The following SEC24B variants were observed in gnomAD, a reference collection of about 807,000 sequenced individuals.
SEC24B encodes the protein protein transport protein Sec24B.
A neutral mutation model predicts 142.8 loss-of-function variants in SEC24B; 45 were observed. That is an observed-to-expected ratio of 0.32 (90% confidence interval 0.25 to 0.40). SEC24B has a LOEUF of 0.40. Among genes scored for constraint, SEC24B ranks in the 10% least tolerant of loss-of-function variants. The pLI, the probability that SEC24B is intolerant of heterozygous loss-of-function variation, is 1.00. For missense variants in SEC24B, 1,409 were observed against 1,526.8 expected (o/e 0.92, Z 1.29); for synonymous variants, 574 against 568.2 (o/e 1.01, Z -0.15).
chr4:109,442,599 T>C (rs1276811682), intron 1 of SEC24B, among the ~76,000 whole-genome samples: 1 of 152,156 alleles, frequency 6.6e-6, no homozygotes, highest in Non-Finnish European at 1.5e-5. Flanking sequence ...AATCTGACTT[T>C]GATCTGACTG....
intron 1 of SEC24B, among the ~76,000 whole-genome samples, chr4:109,445,590 ACAGGGTCT>A: frequency 6.9e-6 from 1 of 144,956 alleles, no homozygotes; most frequent in Non-Finnish European, 1.5e-5. Context: ...TTTTTTTGAG[ACAGGGTCT>A]CACTCTGTCA....
In SEC24B at chr4:109,526,136, T is replaced by C. The variant is rs531008774; in HGVS notation, c.2792-90T>C. On this transcript the variant is annotated intron_variant, in intron 16 of 23. Coordinates refer to ENST00000265175, the MANE Select transcript of SEC24B (RefSeq NM_006323.5). The stretch of plus-strand genomic sequence containing the variant: ...CCCCAGTTATCCTTTTGATTCAAAA[T>C]CATAAACATCTTTGACTTAAAAAAG... 1,267 of 1,253,574 alleles carry C rather than the reference T, an allele frequency of 1.0e-3. 1 individual carries two copies. Among genetic ancestry groups the C allele is most frequent in the Non-Finnish European group, 1.4e-3 (1,193 of 879,048 alleles). 77.7% of individuals were successfully genotyped at this position (1,253,574 alleles called of 1,614,324 possible). A position where few individuals can be genotyped will look rare whatever the true frequency, so the allele number is the denominator to read the frequency against.
chr4:109,518,803 C>CTTTT (rs770507485), intron 11 of SEC24B, among the ~76,000 whole-genome samples: 26 of 117,846 alleles, frequency 2.2e-4, no homozygotes, highest in East Asian at 4.8e-4. Context: ...ATGTTTCTGT[C>CTTTT]TTTTTTTTTT....
intron 19 of SEC24B, among the ~76,000 whole-genome samples, chr4:109,531,140 A>G (rs1347879391): frequency 1.3e-5 from 2 of 152,276 alleles, no homozygotes; most frequent in East Asian, 3.9e-4. Flanking sequence ...CATTTTATTT[A>G]ATCCTTTCAA....
rs769428420 is a variant in SEC24B at position 109,521,641 on chromosome 4, G to T, written c.2508+15G>T. The T allele has an allele frequency of 7.7e-6, 12 of 1,558,070 alleles. No homozygotes were observed. The highest frequency in any genetic ancestry group is 2.3e-5 in the South Asian group (2 of 88,150). Reference sequence around the variant, plus strand: ...CAAGTACAAAGGTATTTTATGTTTAGTTTTTTGTCATATTCAAGATTGTGT... The same window carrying T: ...CAAGTACAAAGGTATTTTATGTTTATTTTTTTGTCATATTCAAGATTGTGT... On this transcript the variant is annotated intron_variant, in intron 14 of 23. Transcript: ENST00000265175.
intron 1 of SEC24B, among the ~76,000 whole-genome samples, chr4:109,456,336 T>TG (rs1730675244): frequency 6.8e-6 from 1 of 146,596 alleles, no homozygotes; most frequent in African/African-American, 2.5e-5. Context: ...TTTTTTTTGT[T>TG]TTTTTTTTTT....
intron 6 of SEC24B, among the ~76,000 whole-genome samples, chr4:109,500,125 C>T (rs566410196): frequency 5.3e-5 from 8 of 152,252 alleles, no homozygotes; most frequent in African/African-American, 1.7e-4. Context: ...AAAAAAGTTA[C>T]GGAATAAGGC....
chr4:109,491,211 T>C (rs1578884035), intron 4 of SEC24B, 116 bp from the exon 5 acceptor site: 8 of 702,904 alleles, frequency 1.1e-5, no homozygotes, highest in East Asian at 2.6e-5. Context: ...TTTACTTTTT[T>C]ACTAGAATCA....
chr4:109,506,319 C>A lies in SEC24B; in HGVS notation c.1489-9C>A. On this transcript the variant is annotated splice_polypyrimidine_tract_variant and intron_variant, in intron 6 of 23. Transcript: ENST00000265175. ...TGTTCTTTTATTTTGTTTTGAATTG[C>A]TCTTTCAGCAGTATCCTGGTGTGAA... 1 of 1,499,140 alleles carries A rather than the reference C, an allele frequency of 6.7e-7. No individual in the cohort carries two copies. The highest frequency in any genetic ancestry group is 8.9e-7 in the Non-Finnish European group (1 of 1,126,488). 92.9% of individuals were successfully genotyped at this position (1,499,140 alleles called of 1,614,324 possible).
At chr4:109,497,990 C>T (rs1250985401) in intron 6 of SEC24B, among the ~76,000 whole-genome samples, 2 of 152,192 alleles carry the variant, frequency 1.3e-5, no homozygotes, top group African/African-American at 4.8e-5. Flanking sequence ...AGTCACCTTC[C>T]TTTCATTTTG....
At chr4:109,503,184 C>G (rs1486277139) in intron 6 of SEC24B, among the ~76,000 whole-genome samples, 5 of 151,060 alleles carry the variant, frequency 3.3e-5, no homozygotes, top group Non-Finnish European at 7.4e-5. Context: ...CTCAGACTCC[C>G]GAGTAGCTGG....
At chr4:109,440,376 A>G (rs1414003280) in intron 1 of SEC24B, among the ~76,000 whole-genome samples, 2 of 152,158 alleles carry the variant, frequency 1.3e-5, no homozygotes, top group Non-Finnish European at 2.9e-5. Context: ...ATTTTATGCT[A>G]AAGGTATTAG....
intron 6 of SEC24B, among the ~76,000 whole-genome samples, chr4:109,500,811 A>T (rs1480779335): frequency 1.3e-5 from 2 of 151,804 alleles, no homozygotes; most frequent in African/African-American, 4.8e-5. Context: ...GCCTGCCAGT[A>T]CCACGCCCGG....
intron 4 of SEC24B, among the ~76,000 whole-genome samples, chr4:109,484,583 GC>G (rs1213389817): frequency 6.6e-6 from 1 of 152,146 alleles, no homozygotes; most frequent in African/African-American, 2.4e-5. Context: ...AGGTGCAGTG[GC>G]TCACGCCTGT....
At chr4:109,477,461 A>G (rs1024702887) in intron 3 of SEC24B, among the ~76,000 whole-genome samples, 22 of 152,140 alleles carry the variant, frequency 1.4e-4, no homozygotes, top group Middle Eastern at 3.4e-3. Context: ...AGCTAAGGCC[A>G]CAGGCACACA....
At chr4:109,470,271 C>T (rs1347451065) in intron 2 of SEC24B, among the ~76,000 whole-genome samples, 1 of 152,230 alleles carries the variant, frequency 6.6e-6, no homozygotes, top group East Asian at 1.9e-4. Flanking sequence ...TCAAACTATA[C>T]ATCTGTGTCA....
At chr4:109,507,159 C>G (rs1288810866) in intron 7 of SEC24B, among the ~76,000 whole-genome samples, 1 of 152,084 alleles carries the variant, frequency 6.6e-6, no homozygotes, top group East Asian at 1.9e-4. Context: ...GTTCTGTATC[C>G]TATGAATAGG....
At chr4:109,460,788 AAT>A (rs1384481336) in intron 1 of SEC24B, among the ~76,000 whole-genome samples, 1 of 150,846 alleles carries the variant, frequency 6.6e-6, no homozygotes, top group African/African-American at 2.4e-5. Flanking sequence ...TAATAAGACT[AAT>A]ATTAGGATTA....
intron 4 of SEC24B, among the ~76,000 whole-genome samples, chr4:109,489,936 T>C (rs1274371014): frequency 1.3e-5 from 2 of 151,980 alleles, no homozygotes; most frequent in Admixed American, 6.6e-5. Context: ...AGGGCATTAC[T>C]TTCCATTCTT....
Sources: gnomAD v4.1 joint callset for allele counts (sites outside exome capture counted in the v4.1 genomes callset) on GRCh38, gnomAD v4.1.1 for gene constraint, MANE v1.5 for transcripts, NCBI Gene and HGNC (gene_info 2026-07-23, HGNC 2026-07-21) for gene names.